The following SFXN4 variants were observed in gnomAD, a reference collection of about 807,000 sequenced individuals.
SFXN4 encodes the protein sideroflexin 4.
Under a neutral mutation model 54.6 loss-of-function variants are expected in SFXN4, and 48 were observed. The observed-to-expected ratio is 0.88, with a 90% CI of 0.70 to 1.12. The LOEUF (loss-of-function observed/expected upper bound fraction) is 1.12. Among genes scored for constraint, SFXN4 ranks in the 50% most tolerant of loss-of-function variants. The probability of loss-of-function intolerance (pLI) is 0.00; values close to 1 mark genes in which losing one functional copy is unlikely to be tolerated. For synonymous variants in SFXN4, 130 were observed against 145.5 expected, an observed-to-expected ratio of 0.89 and a Z score of 0.77; for missense variants, 383 against 409.2, an observed-to-expected ratio of 0.94 and a Z score of 0.55.
At position 119,155,043 on chromosome 10, in the gene SFXN4, G is replaced by T; in HGVS notation, c.732+19C>A. 6.4e-7 allele frequency: 1 copy of T among 1,573,276 alleles called. No homozygotes were observed. The highest frequency in any genetic ancestry group is 8.7e-7 in the Non-Finnish European group (1 of 1,142,994). On this transcript the variant is annotated intron_variant, in intron 11 of 13. Coordinates refer to ENST00000355697, the MANE Select transcript of SFXN4 (RefSeq NM_213649.2). ...GTTGCCCAAAAGGCAAGCAGCTATA[G>T]CTTCATCCTGTCTCTTACCTTTGTC...
At chr10:119,164,064 A>AG in intron 2 of SFXN4, 67 bp downstream of exon 2, 1 of 721,792 alleles carries the variant, frequency 1.4e-6, no homozygotes, top group Non-Finnish European at 2.3e-6. Context: ...AAAAAAAAAA[A>AG]GGGACACACA....
chr10:119,142,934 G>A (rs557852798), intron 13 of SFXN4, among the ~76,000 whole-genome samples: 1 of 150,678 alleles, frequency 6.6e-6, no homozygotes, highest in South Asian at 2.1e-4. Context: ...GGGTTTCACT[G>A]TGTTAGCCAG....
At chr10:119,158,200 G>A (rs899298507) in intron 6 of SFXN4, 138 bp from the exon 7 acceptor site, 57 of 770,610 alleles carry the variant, frequency 7.4e-5, no homozygotes, top group African/African-American at 3.5e-5. Flanking sequence ...TGGGTACAGG[G>A]GCTGCCGGTC....
chr10:119,154,024 A>AAAAATTG (rs1253478394), intron 11 of SFXN4, among the ~76,000 whole-genome samples: 1 of 152,058 alleles, frequency 6.6e-6, no homozygotes, highest in African/African-American at 2.4e-5. Context: ...CTAAAAATAC[A>AAAAATTG]AAAATTGGCT....
intron 11 of SFXN4, 120 bp from the exon 12 acceptor site, chr10:119,147,980 G>A (rs780953591): frequency 4.6e-5 from 32 of 689,422 alleles, no homozygotes; most frequent in Admixed American, 3.9e-4. Context: ...AGACCAGCCT[G>A]GCCAACATGG....
At chr10:119,147,902 G>T in intron 11 of SFXN4, 42 bp from the exon 12 acceptor site, 2 of 1,535,976 alleles carry the variant, frequency 1.3e-6, no homozygotes, top group South Asian at 1.1e-5. Context: ...TGGGCACGGT[G>T]GCTCACGCCT....
chr10:119,146,460 T>TGTGTGCGC (rs141608372), intron 12 of SFXN4, 107 bp from the exon 13 acceptor site: 32 of 570,902 alleles, frequency 5.6e-5, no homozygotes, highest in African/African-American at 3.6e-4. Context: ...TGTGTGTGTG[T>TGTGTGCGC]GCACGTGTGT....
chr10:119,141,295 T>G lies in SFXN4; in HGVS notation c.961A>C (p.Lys321Gln). Residue 321 changes from lysine to glutamine, a missense_variant, in exon 14 of 14, where the codon AAA becomes CAA. By Grantham distance (53) the Lys-to-Gln change is moderately conservative. Transcript: ENST00000355697. ...GTTTCTTCTGTTGGAGACTGAATTTTCTCTTCAAGACTACAGTACTGTATC... is the reference window on the plus strand; with the variant it reads ...GTTTCTTCTGTTGGAGACTGAATTTGCTCTTCAAGACTACAGTACTGTATC... ...GQIQYCSLEE[K>Q]IQSPTEETEI... is the part of the protein sequence containing the mutation. 1.2e-6 allele frequency: 2 copies of G among 1,608,524 alleles called. No individual in the cohort carries two copies. The highest frequency in any genetic ancestry group is 1.7e-6 in the Non-Finnish European group (2 of 1,175,020).
At chr10:119,148,770 C>A (rs1324867710) in intron 11 of SFXN4, among the ~76,000 whole-genome samples, 1 of 152,174 alleles carries the variant, frequency 6.6e-6, no homozygotes, top group Non-Finnish European at 1.5e-5. Context: ...TTTAAACATA[C>A]AATTTACTGT....
intron 9 of SFXN4, 99 bp from the exon 10 acceptor site, chr10:119,156,855 A>G: frequency 1.3e-6 from 1 of 792,166 alleles, no homozygotes. Context: ...TTCCTATTAC[A>G]AGTCAGACCA....
At chr10:119,143,983 C>T (rs1210371287) in intron 13 of SFXN4, among the ~76,000 whole-genome samples, 1 of 152,136 alleles carries the variant, frequency 6.6e-6, no homozygotes, top group Non-Finnish European at 1.5e-5. Context: ...ATAGGCATAA[C>T]TATCTAAAAT....
intron 5 of SFXN4, 117 bp from the exon 6 acceptor site, chr10:119,159,870 A>C: frequency 9.2e-7 from 1 of 1,087,988 alleles, no homozygotes; most frequent in Non-Finnish European, 1.4e-6. Context: ...CACAGACCTC[A>C]AAGGACTTTT....
rs1365259099 is a variant in SFXN4 at position 119,157,745 on chromosome 10, C to T, written c.472-12G>A. On this transcript the variant is annotated splice_polypyrimidine_tract_variant and intron_variant, in intron 8 of 13. Coordinates refer to ENST00000355697, the MANE Select transcript of SFXN4 (RefSeq NM_213649.2). ...AGTGGCTTACAAGTCTAAGGAGAAA[C>T]AAAAGTACTTAATTAGCAAATATCA... 1.2e-6 allele frequency: 2 copies of T among 1,608,098 alleles called. No homozygotes were observed. The highest frequency in any genetic ancestry group is 1.7e-6 in the Non-Finnish European group (2 of 1,177,288).
At chr10:119,145,619 C>T (rs1056686630) in intron 13 of SFXN4, among the ~76,000 whole-genome samples, 2 of 151,784 alleles carry the variant, frequency 1.3e-5, no homozygotes, top group Non-Finnish European at 2.9e-5. Context: ...TTCTTAATAA[C>T]GTTCTATTTT....
At position 119,140,981 on chromosome 10, in the gene SFXN4, C is replaced by T; in HGVS notation, c.*261G>A. On this transcript the variant is annotated 3_prime_UTR_variant, in exon 14 of 14. Coordinates refer to ENST00000355697, the MANE Select transcript of SFXN4 (RefSeq NM_213649.2). ...TTAGTGATTTCACAGTATCCTTTCG[C>T]AGGCCGATCCCCACTCCAACCGTTC... is the stretch of plus-strand genomic sequence containing the variant. The T allele has an allele frequency of 2.6e-6, 1 of 380,162 alleles. No individual in the cohort carries two copies. Among genetic ancestry groups the T allele is most frequent in the Non-Finnish European group, 4.7e-6 (1 of 210,878 alleles). The allele number at this position is 380,162 out of a possible 1,614,324, so 23.5% of individuals were successfully genotyped here. A position where few individuals can be genotyped will look rare whatever the true frequency, so the allele number is the denominator to read the frequency against.
chr10:119,158,012 AGG>A lies in SFXN4; in HGVS notation c.409_410del (p.Pro137SerfsTer23). The A allele has an allele frequency of 6.2e-7, 1 of 1,614,196 alleles. No individual in the cohort carries two copies. The highest frequency in any genetic ancestry group is 1.3e-5 in the African/African-American group (1 of 75,074). ...GTGAAACAGGAAGAATGGCTACCTGAGGTAAAATCACGGACTTGATCCCTTTC... is the reference window on the plus strand; with the variant it reads ...GTGAAACAGGAAGAATGGCTACCTGATAAAATCACGGACTTGATCCCTTTC... ...PLKGIKSVIL[P>X]QVFLCAYMAA... is the part of the protein sequence containing the mutation. On this transcript the variant is annotated frameshift_variant, in exon 7 of 14. Coordinates refer to ENST00000355697, the MANE Select transcript of SFXN4 (RefSeq NM_213649.2). LOFTEE classifies it high-confidence loss of function.
chr10:119,160,707 T>A (rs1353415228), intron 5 of SFXN4, among the ~76,000 whole-genome samples: 1 of 150,766 alleles, frequency 6.6e-6, no homozygotes, highest in Non-Finnish European at 1.5e-5. Flanking sequence ...GCAATTCTCC[T>A]GCCTCAGCCT....
intron 11 of SFXN4, among the ~76,000 whole-genome samples, chr10:119,149,663 T>C (rs1392800548): frequency 6.6e-6 from 1 of 152,054 alleles, no homozygotes; most frequent in East Asian, 1.9e-4. Context: ...GGCAGGAGAA[T>C]CACTTGAACC....
At chr10:119,147,196 G>A (rs1846853805) in intron 12 of SFXN4, among the ~76,000 whole-genome samples, 1 of 152,174 alleles carries the variant, frequency 6.6e-6, no homozygotes, top group Non-Finnish European at 1.5e-5. Flanking sequence ...GGGAGCTTCT[G>A]TTCAAGCTGC....
Sources: allele counts gnomAD v4.1 joint callset (sites outside exome capture counted in the v4.1 genomes callset), GRCh38; gene constraint gnomAD v4.1.1; transcripts MANE v1.5; gene names NCBI Gene and HGNC (gene_info 2026-07-23, HGNC 2026-07-21).